The following ANKFN1 variants were observed in gnomAD, a reference collection of about 807,000 sequenced individuals.
ANKFN1 encodes the protein ankyrin repeat and fibronectin type III domain containing 1.
Under a neutral mutation model 108.7 loss-of-function variants are expected in ANKFN1, and 74 were observed. That is an observed-to-expected ratio of 0.68 (90% CI 0.56 to 0.83). ANKFN1 has a LOEUF of 0.83. Ranked by LOEUF, ANKFN1 falls within the 40% of genes least tolerant of loss-of-function variation. The pLI, the probability that ANKFN1 is intolerant of heterozygous loss-of-function variation, is 0.00. For synonymous variants in ANKFN1, 547 were observed against 516.2 expected, an observed-to-expected ratio of 1.06 and a Z score of -0.81; for missense variants, 1,505 against 1,382.3, an observed-to-expected ratio of 1.09 and a Z score of -1.41.
In ANKFN1 at chr17:56,484,794, T is replaced by C. The variant is rs76615946; in HGVS notation, c.2260+2270T>C. ...GAGAGCTAACCAGGATTCCATTCTGTGTTAAACAGTCATTGTTATTCCATG... is the reference window on the plus strand; with the variant it reads ...GAGAGCTAACCAGGATTCCATTCTGCGTTAAACAGTCATTGTTATTCCATG... On this transcript the variant is annotated intron_variant, in intron 18 of 20. Coordinates refer to ENST00000682825, the MANE Select transcript of ANKFN1 (RefSeq NM_001370326.1). Among the ~76,000 whole-genome samples the C allele has an allele frequency of 6.7e-3, 1,027 of 152,350 alleles. 16 individuals carry two copies. The highest frequency in any genetic ancestry group is 0.036 in the East Asian group (187 of 5,186).
intron 6 of ANKFN1, among the ~76,000 whole-genome samples, chr17:56,364,753 C>T (rs973392169): frequency 2.0e-5 from 3 of 152,224 alleles, no homozygotes; most frequent in African/African-American, 7.2e-5. Context: ...TGTGAGTCAA[C>T]ATCCTCCTGG....
Position 56,299,276 on chromosome 17 carries a change from C to G in ANKFN1, c.54-26945C>G, listed in dbSNP as rs922305721. Among the ~76,000 whole-genome samples, 5 of 152,048 alleles carry G rather than the reference C, an allele frequency of 3.3e-5. No individual in the cohort carries two copies. The East Asian group carries it at 9.7e-4, about 29-fold the overall frequency. ...AAAGCTGCATGTGGTGAGGTCTCCC[C>G]GCATCTCTCCAATACCTTCCAGTGT... On this transcript the variant is annotated intron_variant, in intron 3 of 20. Coordinates refer to ENST00000682825, the MANE Select transcript of ANKFN1 (RefSeq NM_001370326.1).
intron 10 of ANKFN1, among the ~76,000 whole-genome samples, chr17:56,447,681 C>T (rs16957234): frequency 6.0e-4 from 91 of 152,252 alleles, no homozygotes; most frequent in African/African-American, 2.0e-3. Flanking sequence ...ATGGTGTTTC[C>T]GTCATGAATT....
At chr17:56,194,099 C>G (rs964315617) in intron 1 of ANKFN1, among the ~76,000 whole-genome samples, 5 of 152,128 alleles carry the variant, frequency 3.3e-5, no homozygotes, top group Non-Finnish European at 7.3e-5. Flanking sequence ...TTAGAATGGC[C>G]AAAATCCAGA....
intron 4 of ANKFN1, among the ~76,000 whole-genome samples, chr17:56,128,946 A>G (rs1471628929): frequency 1.3e-5 from 2 of 152,180 alleles, no homozygotes; most frequent in African/African-American, 2.4e-5. Flanking sequence ...GTCTGTCTGC[A>G]TTATTTTTAG....
intron 20 of ANKFN1, among the ~76,000 whole-genome samples, chr17:56,503,716 G>A (rs1220801317): frequency 1.3e-5 from 2 of 151,656 alleles, no homozygotes; most frequent in Non-Finnish European, 2.9e-5. Context: ...CTCTGCTGTT[G>A]TTGGCCTGAC....
intron 8 of ANKFN1, among the ~76,000 whole-genome samples, chr17:56,412,064 GT>G (rs1368884707): frequency 6.6e-6 from 1 of 152,122 alleles, no homozygotes; most frequent in East Asian, 1.9e-4. Context: ...AGTATTGGCT[GT>G]TTTTTAAATG....
intron 10 of ANKFN1, among the ~76,000 whole-genome samples, chr17:56,444,322 TTAGA>T (rs1248485714): frequency 6.6e-6 from 1 of 152,198 alleles, no homozygotes; most frequent in Non-Finnish European, 1.5e-5. Context: ...TTGTACATGA[TTAGA>T]TAGAGTGTGT....
At chr17:56,335,353 A>G (rs1173899954) in intron 4 of ANKFN1, among the ~76,000 whole-genome samples, 2 of 152,174 alleles carry the variant, frequency 1.3e-5, no homozygotes, top group Non-Finnish European at 2.9e-5. Flanking sequence ...AACCATGAGC[A>G]TGGACTCTTC....
chr17:56,264,830 C>T (rs1158842086), intron 3 of ANKFN1, among the ~76,000 whole-genome samples: 2 of 152,128 alleles, frequency 1.3e-5, no homozygotes, highest in Non-Finnish European at 2.9e-5. Flanking sequence ...CGTAGTCCAT[C>T]TTATTTGGGA....
At chr17:56,316,365 A>G (rs1214567225) in intron 3 of ANKFN1, among the ~76,000 whole-genome samples, 1 of 152,176 alleles carries the variant, frequency 6.6e-6, no homozygotes, top group African/African-American at 2.4e-5. Context: ...AGACTTTTCC[A>G]TTTGTAAAAT....
intron 4 of ANKFN1, among the ~76,000 whole-genome samples, chr17:56,346,732 A>AT (rs11394329): frequency 0.63 from 94,467 of 149,986 alleles, 30,050 homozygotes; most frequent in East Asian, 0.95. Context: ...TTGACGTACT[A>AT]TTTTTTTTTT....
intron 4 of ANKFN1, among the ~76,000 whole-genome samples, chr17:56,084,890 T>C (rs1430167115): frequency 6.6e-6 from 1 of 150,936 alleles, no homozygotes; most frequent in Non-Finnish European, 1.5e-5. Context: ...TCAGTTATTC[T>C]TACTTGTAAT....
intron 19 of ANKFN1, among the ~76,000 whole-genome samples, chr17:56,496,333 G>T (rs868581260): frequency 6.6e-6 from 1 of 152,124 alleles, no homozygotes; most frequent in Non-Finnish European, 1.5e-5. Context: ...AAGAGAGCAG[G>T]TAGATTATTT....
intron 4 of ANKFN1, among the ~76,000 whole-genome samples, chr17:56,147,051 G>T (rs1345840691): frequency 2.0e-5 from 3 of 152,114 alleles, no homozygotes; most frequent in Non-Finnish European, 4.4e-5. Flanking sequence ...GGGCAAAATG[G>T]CACCAGTCTC....
intron 4 of ANKFN1, among the ~76,000 whole-genome samples, chr17:56,049,317 C>G (rs911761110): frequency 6.6e-6 from 1 of 152,218 alleles, no homozygotes; most frequent in Non-Finnish European, 1.5e-5. Flanking sequence ...TTTGCCCACC[C>G]TGACCTGCAC....
chr17:56,214,081 A>T (rs1282767872), intron 2 of ANKFN1, among the ~76,000 whole-genome samples: 1 of 152,232 alleles, frequency 6.6e-6, no homozygotes, highest in Non-Finnish European at 1.5e-5. Context: ...ACATTTTAGT[A>T]TTAACACAAA....
At chr17:56,467,763 G>GAAAC (rs2050132838) in intron 15 of ANKFN1, among the ~76,000 whole-genome samples, 1 of 27,368 alleles carries the variant, frequency 3.7e-5, no homozygotes, top group South Asian at 1.2e-3. Context: ...AAGAAAGAAA[G>GAAAC]AAAGAAAGAA....
chr17:56,479,819 G>A (rs1470755240), intron 16 of ANKFN1, among the ~76,000 whole-genome samples: 1 of 152,216 alleles, frequency 6.6e-6, no homozygotes, highest in African/African-American at 2.4e-5. Context: ...GCTCCTGAGA[G>A]CCTACTGCTG....
Sources: allele counts gnomAD v4.1 joint callset (sites outside exome capture counted in the v4.1 genomes callset), GRCh38; gene constraint gnomAD v4.1.1; transcripts MANE v1.5; gene names NCBI Gene and HGNC (gene_info 2026-07-23, HGNC 2026-07-21).